DYNC2I1: variants seen among roughly 807,000 people sequenced by gnomAD.
DYNC2I1 encodes cytoplasmic dynein 2 intermediate chain 1.
DYNC2I1 carries 89 observed loss-of-function variants against 133.4 expected under a neutral mutation model. The observed-to-expected ratio is 0.67, with a 90% CI of 0.56 to 0.80. The LOEUF is 0.80. Among genes scored for constraint, DYNC2I1 ranks in the 30% least tolerant of loss-of-function variants. The pLI, the probability that DYNC2I1 is intolerant of heterozygous loss-of-function variation, is 0.00. For missense variants in DYNC2I1, 1,291 were observed against 1,314.5 expected, an observed-to-expected ratio of 0.98 and a Z score of 0.28; for synonymous variants, 504 against 484.3, an observed-to-expected ratio of 1.04 and a Z score of -0.54.
At chr7:158,915,628 CAGGATGATTGTGAAACCTCG>C (rs1848090041) in intron 14 of DYNC2I1, among the ~76,000 whole-genome samples, 1 of 21,870 alleles carries the variant, frequency 4.6e-5, no homozygotes, top group African/African-American at 2.7e-4. Flanking sequence ...CGCTGGTTGA[CAGGATGATTGTGAAACCTCG>C]ACACGGTGGT....
At position 158,871,462 on chromosome 7, in the gene DYNC2I1, G is replaced by T. The variant is rs1422742467; in HGVS notation, c.390G>T (p.Arg130=). The change falls in exon 3 of 25, where the codon CGG becomes CGT. Residue 130 remains arginine (R), a synonymous_variant. Transcript: ENST00000407559. ...AAAAAGAAAAAGACAGAAGGGCCCGGAAGGAAGAGCTCCGGCAGACCGTGG... is the reference window on the plus strand; with the variant it reads ...AAAAAGAAAAAGACAGAAGGGCCCGTAAGGAAGAGCTCCGGCAGACCGTGG... ...DREKEKDRRA[R]KEELRQTVAH... The T allele has an allele frequency of 6.5e-7, 1 of 1,549,834 alleles. No homozygotes were observed. The highest frequency in any genetic ancestry group is 1.4e-5 in the African/African-American group (1 of 73,044).
At chr7:158,854,931 TG>T (rs1179741142), upstream of DYNC2I1, among the ~76,000 whole-genome samples, 3 of 152,220 alleles carry the variant, frequency 2.0e-5, no homozygotes, top group Non-Finnish European at 2.9e-5. Context: ...CCTGGGAGAC[TG>T]GTGGGGGCCA....
chr7:158,911,655 C>G lies in DYNC2I1; in HGVS notation c.1566C>G (p.Asn522Lys). 6.2e-7 allele frequency: 1 copy of G among 1,604,710 alleles called. No individual in the cohort carries two copies. Among genetic ancestry groups the G allele is most frequent in the Non-Finnish European group, 8.5e-7 (1 of 1,177,338 alleles). The change falls in exon 12 of 25, where the codon AAC becomes AAG. Residue 522 changes from asparagine to lysine, a missense_variant. Transcript: ENST00000407559. ...ATGAATATGACATGTATATCAGAAACTTTGGGAAAAAAAATACCAAGCAGG... is the reference window on the plus strand; with the variant it reads ...ATGAATATGACATGTATATCAGAAAGTTTGGGAAAAAAAATACCAAGCAGG... ...PVNEYDMYIR[N>K]FGKKNTKQAY...
intron 10 of DYNC2I1, chr7:158,904,051 G>C (rs758442160): frequency 6.6e-6 from 1 of 152,206 alleles, no homozygotes; most frequent in Non-Finnish European, 1.5e-5. Flanking sequence ...ACAGGTGGAC[G>C]GTCGTAAAGA....
intron 24 of DYNC2I1, among the ~76,000 whole-genome samples, chr7:158,942,644 C>G (rs948906171): frequency 6.6e-6 from 1 of 152,194 alleles, no homozygotes; most frequent in Non-Finnish European, 1.5e-5. Flanking sequence ...GTTCCTTTGC[C>G]AATCTTATGA....
Position 158,934,477 on chromosome 7 carries a change from T to C in DYNC2I1, c.2706T>C (p.Pro902=). 1 of 1,587,344 alleles carries C rather than the reference T, an allele frequency of 6.3e-7. No individual in the cohort carries two copies. The highest frequency in any genetic ancestry group is 8.6e-7 in the Non-Finnish European group (1 of 1,166,030). Residue 902 remains proline (P), a synonymous_variant, in exon 23 of 25, where the codon CCT becomes CCC. Coordinates refer to ENST00000407559, the MANE Select transcript of DYNC2I1 (RefSeq NM_018051.5). ...GAGTGGCTCCCAAACTATTCAAACC[T>C]CAGCAACATGGTATAAGACCAGTGA... The part of the protein sequence containing the change: ...DLRVAPKLFK[P]QQHGIRPVKV...
intron 5 of DYNC2I1, among the ~76,000 whole-genome samples, chr7:158,881,097 C>T (rs1421005044): frequency 6.6e-6 from 1 of 152,354 alleles, no homozygotes; most frequent in African/African-American, 2.4e-5. Flanking sequence ...GAACTGGGAG[C>T]ACTTAGGCCG....
chr7:158,904,344 C>T (rs1181999719), intron 10 of DYNC2I1: 1 of 152,242 alleles, frequency 6.6e-6, no homozygotes, highest in Admixed American at 6.5e-5. Flanking sequence ...TGTACTCTGC[C>T]ACACCCTGTG....
chr7:158,907,503 C>T (rs1846957191), intron 11 of DYNC2I1, among the ~76,000 whole-genome samples: 3 of 152,042 alleles, frequency 2.0e-5, no homozygotes. Context: ...CAGGGAGGAG[C>T]CACTAAGTAG....
chr7:158,848,159 G>A, the DYNC2I1 span, among the ~76,000 whole-genome samples: 1 of 152,226 alleles, frequency 6.6e-6, no homozygotes, highest in Non-Finnish European at 1.5e-5. Context: ...AGAATGAGCA[G>A]CCTAGTGGAC....
chr7:158,884,287 C>T (rs988716360), intron 5 of DYNC2I1, among the ~76,000 whole-genome samples: 16 of 152,174 alleles, frequency 1.1e-4, no homozygotes, highest in African/African-American at 3.4e-4. Flanking sequence ...TCAGGTGATG[C>T]GCCCGCCTTG....
intron 8 of DYNC2I1, among the ~76,000 whole-genome samples, chr7:158,895,166 T>C (rs1417668652): frequency 6.6e-6 from 1 of 152,252 alleles, no homozygotes; most frequent in African/African-American, 2.4e-5. Flanking sequence ...GTCCAGCTTA[T>C]CAATTTTTTC....
chr7:158,891,362 G>A, intron 8 of DYNC2I1, 29 bp downstream of exon 8: 1 of 1,613,772 alleles, frequency 6.2e-7, no homozygotes. Flanking sequence ...CTTATAGTTT[G>A]CAATCCTGTC....
intron 5 of DYNC2I1, among the ~76,000 whole-genome samples, chr7:158,881,851 G>A (rs957680620): frequency 3.3e-5 from 5 of 152,100 alleles, no homozygotes; most frequent in African/African-American, 9.7e-5. Context: ...CAAAGTCGAC[G>A]TAATTTTCCA....
At chr7:158,906,539 A>G (rs568132169) in intron 11 of DYNC2I1, among the ~76,000 whole-genome samples, 157 of 152,158 alleles carry the variant, frequency 1.0e-3, no homozygotes, top group African/African-American at 3.7e-3. Context: ...GCTCACTGCA[A>G]CCTCTGCCTC....
At chr7:158,925,997 G>A (rs1849575475) in intron 17 of DYNC2I1, among the ~76,000 whole-genome samples, 190 bp from the exon 18 acceptor site, 2 of 152,198 alleles carry the variant, frequency 1.3e-5, no homozygotes, top group South Asian at 2.1e-4. Context: ...TCTGAAAGTC[G>A]TGGTCCTGTG....
chr7:158,928,048 G>C (rs981731353), intron 20 of DYNC2I1, among the ~76,000 whole-genome samples: 1 of 152,216 alleles, frequency 6.6e-6, no homozygotes, highest in African/African-American at 2.4e-5. Flanking sequence ...GGGTGTATCA[G>C]GAACACTGGA....
At position 158,937,622 on chromosome 7, in the gene DYNC2I1, G is replaced by GAAAA. The variant is rs71189438; in HGVS notation, c.2778+3083_2778+3086dup. On this transcript the variant is annotated intron_variant, in intron 23 of 24. Coordinates refer to ENST00000407559, the MANE Select transcript of DYNC2I1 (RefSeq NM_018051.5). The stretch of plus-strand genomic sequence containing the variant: ...GGGTGACAGGGTGAGACTGTCTCAA[G>GAAAA]AAAAAAAAAAAAAGACACAAGGCTG... Among the ~76,000 whole-genome samples the GAAAA allele has an allele frequency of 6.9e-3, 758 of 109,436 alleles. 72 individuals carry two copies. In the East Asian group the frequency reaches 0.14, roughly 20 times the overall value. The allele number at this position is 109,436 out of a possible 152,430, so 71.8% of individuals were successfully genotyped here.
At chr7:158,870,573 A>G (rs1378200011) in intron 2 of DYNC2I1, among the ~76,000 whole-genome samples, 3 of 151,924 alleles carry the variant, frequency 2.0e-5, no homozygotes, top group Non-Finnish European at 2.9e-5. Context: ...GGATCTTGCT[A>G]TGTTGCTTGG....
Sources: allele counts gnomAD v4.1 joint callset (sites outside exome capture counted in the v4.1 genomes callset), GRCh38; gene constraint gnomAD v4.1.1; transcripts MANE v1.5; gene names NCBI Gene and HGNC (gene_info 2026-07-23, HGNC 2026-07-21).